Variants in AAK1 observed in about 807,000 individuals in gnomAD.
AAK1 encodes the protein AP2-associated protein kinase 1.
In AAK1, 37 loss-of-function variants were observed where a neutral mutation model predicts 116.0. The ratio of observed to expected loss-of-function variants is 0.32; its 90% CI spans 0.25 to 0.42. AAK1 has a LOEUF of 0.42. Among genes scored for constraint, AAK1 ranks in the 10% least tolerant of loss-of-function variants. The probability of loss-of-function intolerance (pLI) is 1.00; values close to 1 mark genes in which losing one functional copy is unlikely to be tolerated. For missense variants in AAK1, 919 were observed against 1,170.6 expected, an observed-to-expected ratio of 0.79 and a Z score of 3.14; for synonymous variants, 458 against 439.9, an observed-to-expected ratio of 1.04 and a Z score of -0.51.
Position 69,471,895 on chromosome 2 carries a change from T to C in AAK1, c.*3974A>G. 1.0e-6 allele frequency: 1 copy of C among 985,180 alleles called. No homozygotes were observed. The highest frequency in any genetic ancestry group is 1.2e-6 in the Non-Finnish European group (1 of 829,706). The allele number at this position is 985,180 out of a possible 1,614,324, so 61.0% of individuals were successfully genotyped here. ...AATAAGTAATCAAAACAACCAAAAG[T>C]ATTAATAATAAAACAAATATTACAT... is the stretch of plus-strand genomic sequence containing the variant. On this transcript the variant is annotated 3_prime_UTR_variant, in exon 22 of 22. Coordinates refer to ENST00000409085, the MANE Select transcript of AAK1 (RefSeq NM_014911.5).
At chr2:69,609,973 C>A (rs1376240675) in intron 2 of AAK1, among the ~76,000 whole-genome samples, 2 of 144,460 alleles carry the variant, frequency 1.4e-5, no homozygotes, top group African/African-American at 5.5e-5. Flanking sequence ...TGGCGTGAAC[C>A]CGGGAGGCGG....
intron 10 of AAK1, among the ~76,000 whole-genome samples, chr2:69,524,740 C>A (rs1669947273): frequency 6.6e-6 from 1 of 152,100 alleles, no homozygotes; most frequent in Admixed American, 6.6e-5. Context: ...GCCGTACTAG[C>A]AATATTTAAA....
At chr2:69,579,870 T>C (rs1304662945) in intron 2 of AAK1, among the ~76,000 whole-genome samples, 1 of 152,210 alleles carries the variant, frequency 6.6e-6, no homozygotes, top group Non-Finnish European at 1.5e-5. Context: ...GACCCATATA[T>C]TTGACTTTCT....
chr2:69,505,650 C>T lies in AAK1; in HGVS notation c.2188G>A (p.Gly730Ser). 6.2e-7 allele frequency: 1 copy of T among 1,613,660 alleles called. No individual in the cohort carries two copies. Among genetic ancestry groups the T allele is most frequent in the Non-Finnish European group, 8.5e-7 (1 of 1,179,698 alleles). The change falls in exon 16 of 22, where the codon GGC becomes AGC. Residue 730 changes from glycine to serine, a missense_variant. Physicochemically the swap from Gly to Ser is moderately conservative, Grantham distance 56. Coordinates refer to ENST00000409085, the MANE Select transcript of AAK1 (RefSeq NM_014911.5). ...CCTGGGATCAAACTCTCAGCTGAGC[C>T]TCCAAGCTTCTCGGGATGTTTGCCT... ...GEGKHPEKLGGSAESLIPGFQ... is the reference protein window; with the variant it reads ...GEGKHPEKLGSSAESLIPGFQ...
intron 3 of AAK1, among the ~76,000 whole-genome samples, chr2:69,548,105 T>C (rs1340298570): frequency 6.6e-6 from 1 of 152,220 alleles, no homozygotes; most frequent in African/African-American, 2.4e-5. Flanking sequence ...AAGGAAAGAC[T>C]GCTAACAGGC....
chr2:69,611,055 T>C (rs887540404), intron 2 of AAK1, among the ~76,000 whole-genome samples: 4 of 152,120 alleles, frequency 2.6e-5, no homozygotes, highest in Non-Finnish European at 5.9e-5. Context: ...AGGTGTCAAT[T>C]TGACTGGATT....
At chr2:69,510,465 T>C (rs1384783240) in intron 13 of AAK1, among the ~76,000 whole-genome samples, 1 of 152,210 alleles carries the variant, frequency 6.6e-6, no homozygotes, top group Non-Finnish European at 1.5e-5. Flanking sequence ...GGCATTTAGG[T>C]TGATCCCATG....
chr2:69,620,385 G>A (rs1256154652), intron 2 of AAK1, among the ~76,000 whole-genome samples: 1 of 151,948 alleles, frequency 6.6e-6, no homozygotes, highest in Non-Finnish European at 1.5e-5. Flanking sequence ...CTCTAGCCTG[G>A]TGCCTCTTCC....
chr2:69,622,247 C>G (rs759783869), intron 2 of AAK1, among the ~76,000 whole-genome samples: 2 of 152,358 alleles, frequency 1.3e-5, no homozygotes, highest in African/African-American at 4.8e-5. Flanking sequence ...GATTTCTGGC[C>G]GGGCCTTAGC....
At chr2:69,548,485 T>A (rs1292887275) in intron 3 of AAK1, among the ~76,000 whole-genome samples, 2 of 152,002 alleles carry the variant, frequency 1.3e-5, no homozygotes, top group Non-Finnish European at 1.5e-5. Flanking sequence ...TTCCTTTCTT[T>A]TTCTTTCTCT....
At position 69,461,595 on chromosome 2, in the gene AAK1, AT is replaced by A. The variant is rs201581559; in HGVS notation, c.*14273del. On this transcript the variant is annotated 3_prime_UTR_variant, in exon 22 of 22. Transcript: ENST00000409085. ...TCCACCCATCATGTCTCCAGTGACA[AT>A]TTTTTTTTTTTTTTTGAGGCGGAGT... The A allele has an allele frequency of 0.13, 46,963 of 362,682 alleles. 435 individuals carry two copies. The highest frequency in any genetic ancestry group is 0.22 in the East Asian group (2,317 of 10,366). 22.5% of individuals were successfully genotyped at this position (362,682 alleles called of 1,614,324 possible).
rs575453521 is a variant in AAK1, at chr2:69,603,337, C to A, written c.163+39541G>T. On this transcript the variant is annotated intron_variant, in intron 2 of 21. Transcript: ENST00000409085. ...TTTCAAGCTTGTGAAAGCATCTTTA[C>A]AAGTAGGTAGATCACGAGCCAGCAC... is the stretch of plus-strand genomic sequence containing the variant. Among the ~76,000 whole-genome samples, 5 of 152,136 alleles carry A rather than the reference C, an allele frequency of 3.3e-5. No individual in the cohort carries two copies. The East Asian group carries it at 9.6e-4, about 29-fold the overall frequency.
chr2:69,468,379 A>G lies in AAK1; in HGVS notation c.*7490T>C. The G allele has an allele frequency of 1.0e-6, 1 of 985,436 alleles. No individual in the cohort carries two copies. The highest frequency in any genetic ancestry group is 1.2e-6 in the Non-Finnish European group (1 of 829,916). 61.0% of individuals were successfully genotyped at this position (985,436 alleles called of 1,614,324 possible). ...AAATAAGGTTTGCAGAGCCTTAAAG[A>G]AGGACAAGAGGGCCCTAAAACTCCT... On this transcript the variant is annotated 3_prime_UTR_variant, in exon 22 of 22. Transcript: ENST00000409085.
At chr2:69,597,206 G>A (rs1358380463) in intron 2 of AAK1, 2 of 150,758 alleles carry the variant, frequency 1.3e-5, no homozygotes, top group African/African-American at 4.9e-5. Flanking sequence ...CTTTTTTTTT[G>A]GTGGCATTAT....
intron 2 of AAK1, among the ~76,000 whole-genome samples, chr2:69,602,842 A>C (rs892033013): frequency 6.6e-6 from 1 of 152,274 alleles, no homozygotes; most frequent in Non-Finnish European, 1.5e-5. Context: ...AAAAAGCAAC[A>C]GAAAAATATG....
intron 2 of AAK1, among the ~76,000 whole-genome samples, chr2:69,613,538 T>C (rs532047963): frequency 4.1e-4 from 62 of 152,292 alleles, no homozygotes; most frequent in Admixed American, 1.4e-3. Context: ...ACCTTAAGTC[T>C]TACCCCTAGC....
chr2:69,548,211 C>T (rs1009081824), intron 3 of AAK1, among the ~76,000 whole-genome samples: 3 of 152,016 alleles, frequency 2.0e-5, no homozygotes, highest in Admixed American at 6.6e-5. Flanking sequence ...ATCACTGGAC[C>T]GTATGCTTTA....
chr2:69,528,326 G>T (rs953538388), intron 8 of AAK1, among the ~76,000 whole-genome samples: 5 of 152,136 alleles, frequency 3.3e-5, no homozygotes, highest in African/African-American at 1.2e-4. Context: ...CCTAATCAGG[G>T]ACATGAGAGG....
At chr2:69,484,180 A>C (rs1675200460) in intron 17 of AAK1, among the ~76,000 whole-genome samples, 1 of 152,248 alleles carries the variant, frequency 6.6e-6, no homozygotes, top group South Asian at 2.1e-4. Context: ...AAGAACGTGT[A>C]TATAACGTTG....
Sources: allele counts gnomAD v4.1 joint callset (sites outside exome capture counted in the v4.1 genomes callset), GRCh38; gene constraint gnomAD v4.1.1; transcripts MANE v1.5; gene names NCBI Gene and HGNC (gene_info 2026-07-23, HGNC 2026-07-21).